The following CIDEA variants were observed in gnomAD, a reference collection of about 807,000 sequenced individuals.
CIDEA encodes the protein cell death inducing DFFA like effector a, also known as lipid transferase CIDEA.
Under a neutral mutation model 18.2 loss-of-function variants are expected in CIDEA, and 10 were observed. The observed-to-expected ratio is 0.55, with a 90% CI of 0.34 to 0.93. The LOEUF (loss-of-function observed/expected upper bound fraction) is 0.93. Ranked by LOEUF, CIDEA falls within the 40% of genes least tolerant of loss-of-function variation. CIDEA has a pLI of 0.02. For missense variants in CIDEA, 309 were observed against 293.1 expected, an observed-to-expected ratio of 1.05 and a Z score of -0.40; for synonymous variants, 128 against 124.8, an observed-to-expected ratio of 1.03 and a Z score of -0.17.
At chr18:12,254,459 C>T (rs1194350643) in intron 1 of CIDEA, 38 bp downstream of exon 1, 4 of 1,593,790 alleles carry the variant, frequency 2.5e-6, no homozygotes, top group Admixed American at 3.4e-5. Flanking sequence ...CGTGCGCTTC[C>T]AATCGCCTTG....
chr18:12,259,067 A>G (rs1912117680), intron 1 of CIDEA, among the ~76,000 whole-genome samples: 1 of 152,210 alleles, frequency 6.6e-6, no homozygotes, highest in African/African-American at 2.4e-5. Context: ...AATCGAGGTG[A>G]CAGTTCAGAA....
intron 4 of CIDEA, among the ~76,000 whole-genome samples, chr18:12,276,476 G>A (rs1905336980): frequency 6.6e-6 from 1 of 152,170 alleles, no homozygotes; most frequent in African/African-American, 2.4e-5. Flanking sequence ...TTTCTTGAAA[G>A]ACAAGTTCAG....
Position 12,277,223 on chromosome 18 carries a change from C to T in CIDEA, c.613C>T (p.Arg205Trp), listed in dbSNP as rs146350505. 15 of 1,614,184 alleles carry T rather than the reference C, an allele frequency of 9.3e-6. No homozygotes were observed. The highest frequency in any genetic ancestry group is 2.7e-5 in the African/African-American group (2 of 75,048). ...MLRVLDDKEE[R>W]PSLRSQAKGR... ...CCGGGTGCTGGATGACAAGGAAGAG[C>T]GGCCATCCCTCCGGTCACAAGCCAA... is the stretch of plus-strand genomic sequence containing the variant. Residue 205 changes from arginine to tryptophan, a missense_variant, in exon 5 of 5, where the codon CGG (arginine) becomes TGG (tryptophan). Arg to Trp is a moderately radical substitution (Grantham distance 101). Coordinates refer to ENST00000320477, the MANE Select transcript of CIDEA (RefSeq NM_001279.4).
Position 12,277,205 on chromosome 18 carries a change from C to G in CIDEA, c.595C>G (p.Leu199Val). 6.2e-7 allele frequency: 1 copy of G among 1,614,180 alleles called. No individual in the cohort carries two copies. Among genetic ancestry groups the G allele is most frequent in the South Asian group, 1.1e-5 (1 of 91,086 alleles). ...IYLGTYMLRV[L>V]DDKEERPSLR... is the part of the protein sequence containing the mutation. ...TCTGGGCACATACATGCTCCGGGTG[C>G]TGGATGACAAGGAAGAGCGGCCATC... is the stretch of plus-strand genomic sequence containing the variant. The change falls in exon 5 of 5, where the codon CTG becomes GTG. Residue 199 changes from leucine (L) to valine (V), a missense_variant. Coordinates refer to ENST00000320477, the MANE Select transcript of CIDEA (RefSeq NM_001279.4).
intron 3 of CIDEA, 63 bp from the exon 4 acceptor site, chr18:12,274,030 A>T (rs145582011): frequency 6.6e-5 from 103 of 1,561,376 alleles, no homozygotes; most frequent in Middle Eastern, 3.8e-4. Context: ...GCATAAGAGC[A>T]GAGTGATGAC....
rs116792316 is a variant in CIDEA at position 12,254,976 on chromosome 18, G to A, written c.38+555G>A. 5.2e-4 allele frequency: 625 copies of A among 1,200,444 alleles called. 2 individuals are homozygous for A. The African/African-American group carries it at 9.1e-3, about 17-fold the overall frequency. 74.4% of individuals were successfully genotyped at this position (1,200,444 alleles called of 1,614,324 possible). ...CTCCAGGTTGGTGGTGCTGGGAGAA[G>A]CGCTCCTCCTTGCCTCCGGGTCCAA... On this transcript the variant is annotated intron_variant, in intron 1 of 4. Transcript: ENST00000320477.
chr18:12,262,624 G>A (rs185916346), intron 1 of CIDEA, among the ~76,000 whole-genome samples: 1 of 152,310 alleles, frequency 6.6e-6, no homozygotes, highest in Admixed American at 6.5e-5. Context: ...GAATAAAGAT[G>A]GATGTGTGTT....
At chr18:12,258,305 A>T (rs1003043987) in intron 1 of CIDEA, among the ~76,000 whole-genome samples, 1 of 152,250 alleles carries the variant, frequency 6.6e-6, no homozygotes, top group African/African-American at 2.4e-5. Flanking sequence ...GGGCCAGGTC[A>T]CCGGAGCACA....
chr18:12,264,594 C>T (rs914607403), intron 3 of CIDEA, 141 bp downstream of exon 3: 9 of 664,702 alleles, frequency 1.4e-5, no homozygotes, highest in African/African-American at 7.5e-5. Flanking sequence ...CGCTCTGTCA[C>T]CCAGGCTGGA....
In CIDEA at chr18:12,268,109, G is replaced by A. The variant is rs1483058950; in HGVS notation, c.330+3656G>A. ...AGATGGAGTCTCGCTCTGTCGCCCA[G>A]GCTGGAGTGCAGTGGCGCGATCTCG... On this transcript the variant is annotated intron_variant, in intron 3 of 4. Coordinates refer to ENST00000320477, the MANE Select transcript of CIDEA (RefSeq NM_001279.4). Among the ~76,000 whole-genome samples, 5 of 151,278 alleles carry A rather than the reference G, an allele frequency of 3.3e-5. No homozygotes were observed. In the East Asian group the frequency reaches 5.9e-4, roughly 18 times the overall value.
At chr18:12,262,505 C>G (rs1357145190) in intron 1 of CIDEA, among the ~76,000 whole-genome samples, 1 of 152,176 alleles carries the variant, frequency 6.6e-6, no homozygotes, top group African/African-American at 2.4e-5. Flanking sequence ...TTTTAAATCT[C>G]CCACCCATAT....
intron 3 of CIDEA, 71 bp from the exon 4 acceptor site, chr18:12,274,022 A>G: frequency 2.6e-6 from 4 of 1,533,208 alleles, no homozygotes; most frequent in Non-Finnish European, 3.6e-6. Context: ...TGAAGCTGGC[A>G]TAAGAGCAGA....
At chr18:12,259,195 C>A (rs867886423) in intron 1 of CIDEA, among the ~76,000 whole-genome samples, 13 of 152,324 alleles carry the variant, frequency 8.5e-5, no homozygotes, top group Middle Eastern at 6.8e-3. Flanking sequence ...GGAGCCCCAA[C>A]CCAGCACATT....
chr18:12,257,999 T>C (rs1336996860), intron 1 of CIDEA, among the ~76,000 whole-genome samples: 1 of 152,176 alleles, frequency 6.6e-6, no homozygotes, highest in Non-Finnish European at 1.5e-5. Flanking sequence ...ATTCAACCCC[T>C]TTCTGTGTTA....
intron 3 of CIDEA, among the ~76,000 whole-genome samples, chr18:12,265,520 CT>C (rs1372384118): frequency 6.6e-6 from 1 of 152,250 alleles, no homozygotes; most frequent in Non-Finnish European, 1.5e-5. Context: ...TCTTAGAGCT[CT>C]CTCCTGGCAA....
Position 12,262,935 on chromosome 18 carries a change from T to C in CIDEA, c.149T>C (p.Val50Ala), listed in dbSNP as rs758546958. 1 of 1,613,622 alleles carries C rather than the reference T, an allele frequency of 6.2e-7. No homozygotes were observed. The highest frequency in any genetic ancestry group is 1.7e-5 in the Admixed American group (1 of 59,938). Residue 50 changes from valine to alanine, a missense_variant, in exon 2 of 5, where the codon GTG becomes GCG. Physicochemically the swap from Val to Ala is moderately conservative, Grantham distance 64 (BLOSUM62 0). Transcript: ENST00000320477. ...SNHDRSSRRG[V>A]MASSLQELIS... is the part of the protein sequence containing the mutation. ...CATGACAGGAGCAGCCGGCGTGGGG[T>C]GATGGCAAGCAGCCTGCAGGAGCTC...
chr18:12,256,064 T>C (rs779425935), intron 1 of CIDEA, among the ~76,000 whole-genome samples: 2 of 152,222 alleles, frequency 1.3e-5, no homozygotes, highest in Non-Finnish European at 2.9e-5. Context: ...ACTGTCATTC[T>C]GTGAAATCTA....
intron 3 of CIDEA, among the ~76,000 whole-genome samples, chr18:12,272,149 T>G (rs200677104): frequency 0.17 from 1,213 of 7,326 alleles, 58 homozygotes; most frequent in Middle Eastern, 0.38. Flanking sequence ...AGTGTGTGTG[T>G]GGGGGGGGGG....
At chr18:12,272,240 C>T (rs367798445) in intron 3 of CIDEA, among the ~76,000 whole-genome samples, 107 of 150,038 alleles carry the variant, frequency 7.1e-4, no homozygotes, top group South Asian at 3.2e-3. Context: ...TGAGATGGAG[C>T]CTCACTCTGT....
Sources: gnomAD v4.1 joint callset for allele counts (sites outside exome capture counted in the v4.1 genomes callset) on GRCh38, gnomAD v4.1.1 for gene constraint, MANE v1.5 for transcripts, NCBI Gene and HGNC (gene_info 2026-07-23, HGNC 2026-07-21) for gene names.